Variants in TFCP2 observed in about 807,000 individuals in gnomAD.
TFCP2 encodes alpha-globin transcription factor CP2.
Under a neutral mutation model 73.4 loss-of-function variants are expected in TFCP2, and 33 were observed. That is an observed-to-expected ratio of 0.45 (90% CI 0.34 to 0.60). The LOEUF (loss-of-function observed/expected upper bound fraction) is 0.60, where lower values mean the gene tolerates loss of function less well. Among genes scored for constraint, TFCP2 ranks in the 20% least tolerant of loss-of-function variants. TFCP2 has a pLI of 0.01. For synonymous variants in TFCP2, 193 were observed against 211.6 expected, an observed-to-expected ratio of 0.91 and a Z score of 0.76; for missense variants, 352 against 604.0, an observed-to-expected ratio of 0.58 and a Z score of 4.37.
In TFCP2 at chr12:51,132,007, C is replaced by CT. The variant is rs1248941962; in HGVS notation, c.123-13236dup. Among the ~76,000 whole-genome samples, 5 of 152,242 alleles carry CT rather than the reference C, an allele frequency of 3.3e-5. No homozygotes were observed. In the East Asian group the frequency reaches 9.6e-4, roughly 29 times the overall value. ...CAACTAAGTTATTTTTCATTTATGCCTAACTTTCAGCTAAACACTTGCTAG... is the reference window on the plus strand; with the variant it reads ...CAACTAAGTTATTTTTCATTTATGCCTTAACTTTCAGCTAAACACTTGCTAG... On this transcript the variant is annotated intron_variant, in intron 1 of 14. Coordinates refer to ENST00000257915, the MANE Select transcript of TFCP2 (RefSeq NM_005653.5).
At chr12:51,167,298 A>G (rs1235649314) in intron 1 of TFCP2, among the ~76,000 whole-genome samples, 1 of 152,240 alleles carries the variant, frequency 6.6e-6, no homozygotes, top group Non-Finnish European at 1.5e-5. Context: ...AAAATAAACT[A>G]GGGTAAAACA....
chr12:51,148,085 A>G (rs1305977864), intron 1 of TFCP2, among the ~76,000 whole-genome samples: 2 of 152,336 alleles, frequency 1.3e-5, no homozygotes, highest in Admixed American at 1.3e-4. Flanking sequence ...CCTCCATGCA[A>G]TACCACCTTA....
intron 1 of TFCP2, among the ~76,000 whole-genome samples, chr12:51,145,176 CGG>C (rs1941267180): frequency 7.4e-6 from 1 of 134,482 alleles, no homozygotes; most frequent in African/African-American, 2.8e-5. Flanking sequence ...ACTCCAGCCT[CGG>C]GGACAGAGTG....
At chr12:51,152,877 TG>T (rs1260166826) in intron 1 of TFCP2, among the ~76,000 whole-genome samples, 9 of 152,346 alleles carry the variant, frequency 5.9e-5, no homozygotes, top group Admixed American at 5.2e-4. Context: ...ATCATATTGT[TG>T]TACAACCATC....
chr12:51,105,019 T>A (rs1479532828), intron 8 of TFCP2, among the ~76,000 whole-genome samples: 1 of 147,702 alleles, frequency 6.8e-6, no homozygotes, highest in Non-Finnish European at 1.5e-5. Context: ...GCAAAAAAAA[T>A]TATTTTTAAA....
chr12:51,150,254 C>G (rs1186442724), intron 1 of TFCP2, among the ~76,000 whole-genome samples: 1 of 151,974 alleles, frequency 6.6e-6, no homozygotes, highest in African/African-American at 2.4e-5. Flanking sequence ...CTCTTCTCTA[C>G]TGAAAATACA....
chr12:51,160,128 T>C (rs1941618095), intron 1 of TFCP2, among the ~76,000 whole-genome samples: 1 of 134,892 alleles, frequency 7.4e-6, no homozygotes, highest in Admixed American at 8.3e-5. Flanking sequence ...CAGAATCCTC[T>C]CTGAATTTTT....
chr12:51,138,913 C>T (rs1269941410), intron 1 of TFCP2, among the ~76,000 whole-genome samples: 1 of 152,160 alleles, frequency 6.6e-6, no homozygotes, highest in Non-Finnish European at 1.5e-5. Flanking sequence ...GCTGGGATTA[C>T]AGGTGTGAGC....
At chr12:51,126,956 C>A (rs2136997196) in intron 1 of TFCP2, among the ~76,000 whole-genome samples, 1 of 152,198 alleles carries the variant, frequency 6.6e-6, no homozygotes, top group South Asian at 2.1e-4. Context: ...GAAGAGATGG[C>A]CCTGTGGTTT....
intron 1 of TFCP2, among the ~76,000 whole-genome samples, chr12:51,155,495 G>A (rs530926813): frequency 2.0e-5 from 3 of 152,154 alleles, no homozygotes; most frequent in African/African-American, 7.2e-5. Flanking sequence ...CATTTGACAC[G>A]ACTAACAACA....
intron 1 of TFCP2, among the ~76,000 whole-genome samples, chr12:51,157,781 C>A (rs1941570020): frequency 6.7e-6 from 1 of 149,286 alleles, no homozygotes; most frequent in African/African-American, 2.5e-5. Flanking sequence ...CCGCCTGCCT[C>A]CTGGGTTCAT....
In TFCP2 at chr12:51,118,727, C is replaced by G. The variant is rs368704810; in HGVS notation, c.168G>C (p.Leu56Phe). 8 of 1,613,968 alleles carry G rather than the reference C, an allele frequency of 5.0e-6. No individual in the cohort carries two copies. The highest frequency in any genetic ancestry group is 6.8e-6 in the Non-Finnish European group (8 of 1,180,020). The stretch of plus-strand genomic sequence containing the variant: ...GGATTTTATTCTCATTATCAGGAGG[C>G]AAACTCGACTCTTCTTGCTTAAAAA... ...LPIFKQEESS[L>F]PPDNENKILP... Residue 56 changes from leucine (L) to phenylalanine (F), a missense_variant, in exon 2 of 15, where the codon TTG becomes TTC. Around this residue, in one of 6 missense-constraint regions of TFCP2, gnomAD observed 76 missense variants for 163.2 expected, o/e 0.47. Transcript: ENST00000257915.
intron 6 of TFCP2, 113 bp downstream of exon 6, chr12:51,109,008 C>T (rs7134695): frequency 0.64 from 744,008 of 1,155,392 alleles, 243,269 homozygotes; most frequent in Admixed American, 0.69. Flanking sequence ...AGACTTTTTG[C>T]GTGTGTGTGA....
At chr12:51,109,992 T>C (rs1940358470) in intron 5 of TFCP2, among the ~76,000 whole-genome samples, 1 of 152,102 alleles carries the variant, frequency 6.6e-6, no homozygotes, top group Non-Finnish European at 1.5e-5. Flanking sequence ...GTGCTGGGAT[T>C]ACAGGTGTGA....
At chr12:51,167,429 G>A (rs1421253502) in intron 1 of TFCP2, among the ~76,000 whole-genome samples, 1 of 150,920 alleles carries the variant, frequency 6.6e-6, no homozygotes, top group Non-Finnish European at 1.5e-5. Flanking sequence ...TCTCGCTTTT[G>A]TCCCCTAGGC....
intron 1 of TFCP2, among the ~76,000 whole-genome samples, chr12:51,161,183 C>T (rs1221561704): frequency 6.6e-6 from 1 of 151,902 alleles, no homozygotes; most frequent in Non-Finnish European, 1.5e-5. Flanking sequence ...CCGCATGCAA[C>T]CAGATATACA....
chr12:51,135,870 G>T (rs1941050243), intron 1 of TFCP2, among the ~76,000 whole-genome samples: 1 of 151,978 alleles, frequency 6.6e-6, no homozygotes, highest in Non-Finnish European at 1.5e-5. Flanking sequence ...CCACTACTGG[G>T]GTGAAAACAC....
chr12:51,136,754 G>A (rs981474397), intron 1 of TFCP2, among the ~76,000 whole-genome samples: 1 of 152,106 alleles, frequency 6.6e-6, no homozygotes, highest in Non-Finnish European at 1.5e-5. Flanking sequence ...TAGCTGACAT[G>A]GTAAAACCCC....
chr12:51,131,044 C>T (rs927614568), intron 1 of TFCP2, among the ~76,000 whole-genome samples: 3 of 150,102 alleles, frequency 2.0e-5, no homozygotes, highest in African/African-American at 4.9e-5. Flanking sequence ...AAGGACTAGA[C>T]GCAGTTCGGG....
Sources: allele counts gnomAD v4.1 joint callset (sites outside exome capture counted in the v4.1 genomes callset), GRCh38; gene constraint gnomAD v4.1.1; regional missense constraint gnomAD v4.1.1; transcripts MANE v1.5; gene names NCBI Gene and HGNC (gene_info 2026-07-23, HGNC 2026-07-21).